The following RBFOX1 variants were observed in gnomAD, a reference collection of about 807,000 sequenced individuals.
RBFOX1 encodes RNA binding fox-1 homolog 1.
RBFOX1 carries 8 observed loss-of-function variants against 57.7 expected under a neutral mutation model. That is an observed-to-expected ratio of 0.14 (90% CI 0.08 to 0.25). The LOEUF (loss-of-function observed/expected upper bound fraction) is 0.25, where lower values mean the gene tolerates loss of function less well. Among genes scored for constraint, RBFOX1 ranks in the 10% least tolerant of loss-of-function variants. The pLI, the probability that RBFOX1 is intolerant of heterozygous loss-of-function variation, is 1.00. For missense variants in RBFOX1, 611 were observed against 548.5 expected, an observed-to-expected ratio of 1.11 and a Z score of -1.14; for synonymous variants, 326 against 222.4, an observed-to-expected ratio of 1.47 and a Z score of -4.15.
At chr16:5,704,578 G>A (rs1449733542) in intron 3 of RBFOX1, among the ~76,000 whole-genome samples, 1 of 152,152 alleles carries the variant, frequency 6.6e-6, no homozygotes, top group African/African-American at 2.4e-5. Flanking sequence ...ATCATCCCTG[G>A]TTTATTTACC....
chr16:6,574,756 G>T (rs1241153723), intron 2 of RBFOX1, among the ~76,000 whole-genome samples: 1 of 146,130 alleles, frequency 6.8e-6, no homozygotes, highest in Non-Finnish European at 1.5e-5. Flanking sequence ...CAGCAACCAC[G>T]GGCTGGGCGT....
chr16:7,593,358 C>A (rs562320007), intron 7 of RBFOX1, among the ~76,000 whole-genome samples: 1 of 152,210 alleles, frequency 6.6e-6, no homozygotes, highest in East Asian at 1.9e-4. Flanking sequence ...AGCAAAATCC[C>A]CCTAAATTCT....
At chr16:7,501,385 C>T (rs1016388004) in intron 4 of RBFOX1, among the ~76,000 whole-genome samples, 16 of 152,182 alleles carry the variant, frequency 1.1e-4, no homozygotes, top group South Asian at 2.1e-4. Context: ...TTTATCTTGG[C>T]ATGTATCATT....
rs115158300 is a variant in RBFOX1 at position 5,502,836 on chromosome 16, A to T, written c.258+35582A>T. Among the ~76,000 whole-genome samples, 616 of 152,294 alleles carry T rather than the reference A, an allele frequency of 4.0e-3. 8 individuals carry two copies. The highest frequency in any genetic ancestry group is 0.013 in the African/African-American group (555 of 41,566). Reference sequence around the variant, plus strand: ...CTCTTCCGCGTCTCAGGGGACCCTGAGAAATAGCCAGGGCAGGGAGACCAG... The same window carrying T: ...CTCTTCCGCGTCTCAGGGGACCCTGTGAAATAGCCAGGGCAGGGAGACCAG... On this transcript the variant is annotated intron_variant, in intron 2 of 2. Coordinates refer to the RBFOX1 transcript ENST00000585867.
At chr16:7,613,446 G>A (rs186255139) in intron 10 of RBFOX1, among the ~76,000 whole-genome samples, 1 of 152,116 alleles carries the variant, frequency 6.6e-6, no homozygotes, top group Non-Finnish European at 1.5e-5. Flanking sequence ...AAGTCACCTC[G>A]ACTGATTATA....
intron 3 of RBFOX1, among the ~76,000 whole-genome samples, chr16:6,900,376 C>G (rs529845449): frequency 6.6e-6 from 1 of 152,196 alleles, no homozygotes; most frequent in Non-Finnish European, 1.5e-5. Flanking sequence ...TAACCTCTAT[C>G]CATGCTCCCA....
intron 2 of RBFOX1, among the ~76,000 whole-genome samples, chr16:6,412,153 CAA>C (rs886851602): frequency 7.0e-6 from 1 of 143,294 alleles, no homozygotes; most frequent in Non-Finnish European, 1.5e-5. Context: ...AACAAAAAAA[CAA>C]AAAAACAAAA....
intron 14 of RBFOX1, among the ~76,000 whole-genome samples, chr16:7,689,139 G>C (rs758713819): frequency 3.0e-4 from 46 of 152,136 alleles, no homozygotes; most frequent in Non-Finnish European, 5.3e-4. Context: ...ATGACACTTG[G>C]CAACTTGCAG....
At chr16:7,380,052 C>A (rs1228524584) in intron 4 of RBFOX1, among the ~76,000 whole-genome samples, 1 of 152,138 alleles carries the variant, frequency 6.6e-6, no homozygotes, top group Non-Finnish European at 1.5e-5. Flanking sequence ...AGAAGAGTGT[C>A]TTGCTATGTT....
At chr16:7,427,341 C>G (rs2098630457) in intron 4 of RBFOX1, among the ~76,000 whole-genome samples, 3 of 152,186 alleles carry the variant, frequency 2.0e-5, no homozygotes, top group Admixed American at 1.3e-4. Context: ...AATTTGCATT[C>G]TAACAAATTT....
intron 3 of RBFOX1, among the ~76,000 whole-genome samples, chr16:6,998,976 C>A (rs1223332795): frequency 6.6e-6 from 1 of 151,352 alleles, no homozygotes; most frequent in Non-Finnish European, 1.5e-5. Flanking sequence ...TCAAGCGATT[C>A]TCGTGCCTCG....
chr16:5,983,358 G>T (rs542254069), intron 4 of RBFOX1, among the ~76,000 whole-genome samples: 1 of 152,346 alleles, frequency 6.6e-6, no homozygotes, highest in African/African-American at 2.4e-5. Flanking sequence ...CCACTTAGAC[G>T]TGGAGCTTCT....
chr16:5,573,838 C>T (rs907205311), intron 2 of RBFOX1, among the ~76,000 whole-genome samples: 2 of 152,060 alleles, frequency 1.3e-5, no homozygotes, highest in African/African-American at 4.8e-5. Context: ...CCTGTAGTCC[C>T]AGCTACTTGG....
intron 2 of RBFOX1, among the ~76,000 whole-genome samples, chr16:6,442,935 C>T (rs764567129): frequency 6.6e-6 from 1 of 152,160 alleles, no homozygotes; most frequent in South Asian, 2.1e-4. Context: ...TTTGCACCAA[C>T]TTAATAAAAA....
intron 5 of RBFOX1, among the ~76,000 whole-genome samples, chr16:7,534,412 C>T (rs898733414): frequency 6.6e-6 from 1 of 151,968 alleles, no homozygotes; most frequent in African/African-American, 2.4e-5. Context: ...ACTCTTTAAA[C>T]ACTGAGGACA....
In RBFOX1 at chr16:7,653,816, G is replaced by T. The variant is rs1366665514; in HGVS notation, c.759G>T (p.Met253Ile). ...TCTCTCTCTCCTCTTGCCCCGCAGT[G>T]CCAGGCTTCCCGTATCCAGCAGCCA... Reference protein sequence around the residue: ...APSSLVYTSAMPGFPYPAATA... With the variant: ...APSSLVYTSAIPGFPYPAATA... Residue 253 changes from methionine (M) to isoleucine (I), a missense_variant and splice_region_variant, in exon 12 of 16, where the codon ATG (methionine) becomes ATT (isoleucine). Coordinates refer to ENST00000550418, the MANE Select transcript of RBFOX1 (RefSeq NM_018723.4). 5 of 1,608,222 alleles carry T rather than the reference G, an allele frequency of 3.1e-6. No individual in the cohort carries two copies. Among genetic ancestry groups the T allele is most frequent in the Non-Finnish European group, 4.2e-6 (5 of 1,179,590 alleles).
intron 1 of RBFOX1, among the ~76,000 whole-genome samples, chr16:6,076,736 C>G (rs905116292): frequency 4.6e-5 from 7 of 152,166 alleles, no homozygotes; most frequent in Admixed American, 3.9e-4. Context: ...GGTGGATAGA[C>G]AAGCTCGCTG....
intron 2 of RBFOX1, among the ~76,000 whole-genome samples, chr16:6,605,198 C>G (rs2097909617): frequency 6.6e-6 from 1 of 151,980 alleles, no homozygotes; most frequent in South Asian, 2.1e-4. Context: ...GTGATCAAAC[C>G]ACTGTACTGG....
At chr16:5,284,761 T>C in intron 1 of RBFOX1, among the ~76,000 whole-genome samples, 1 of 130,326 alleles carries the variant, frequency 7.7e-6, no homozygotes, top group African/African-American at 3.4e-5. Flanking sequence ...CTTAGATTTT[T>C]TTTTTTTTTT....
Sources: gnomAD v4.1 joint callset for allele counts (sites outside exome capture counted in the v4.1 genomes callset) on GRCh38, gnomAD v4.1.1 for gene constraint, MANE v1.5 for transcripts, NCBI Gene and HGNC (gene_info 2026-07-23, HGNC 2026-07-21) for gene names.